Variants in ZNF600 observed in about 807,000 individuals in gnomAD.
ZNF600 encodes the protein zinc finger protein KR-ZNF1.
ZNF600 carries 4 observed loss-of-function variants against 7.3 expected under a neutral mutation model. The observed-to-expected ratio is 0.55, with a 90% CI of 0.27 to 1.25. The LOEUF (loss-of-function observed/expected upper bound fraction) is 1.25, where lower values mean the gene tolerates loss of function less well. Ranked by LOEUF, ZNF600 falls within the 50% of genes most tolerant of loss-of-function variation. The probability of loss-of-function intolerance (pLI) is 0.12; values close to 1 mark genes in which losing one functional copy is unlikely to be tolerated. For missense variants in ZNF600, 911 were observed against 922.1 expected, an observed-to-expected ratio of 0.99 and a Z score of 0.16; for synonymous variants, 290 against 308.9, an observed-to-expected ratio of 0.94 and a Z score of 0.64.
At chr19:52,803,843 C>T in the ZNF600 span, among the ~76,000 whole-genome samples, 1 of 151,996 alleles carries the variant, frequency 6.6e-6, no homozygotes. Context: ...CCTGTAATCC[C>T]AGGTACTTGG....
At chr19:52,786,485 A>G (rs1040836050) in intron 1 of ZNF600, 110 bp downstream of exon 1, 2 of 152,506 alleles carry the variant, frequency 1.3e-5, no homozygotes, top group African/African-American at 4.8e-5. Flanking sequence ...TTTGAGCAGG[A>G]AAAATACGCG....
intron 1 of ZNF600, 136 bp from the exon 4 acceptor site, chr19:52,779,043 G>A (rs1407445099): frequency 1.3e-6 from 1 of 751,638 alleles, no homozygotes; most frequent in Non-Finnish European, 2.0e-6. Context: ...ATCATGCAGA[G>A]ATAAGAAAGT....
At chr19:52,779,147 C>G (rs1033373126) in intron 1 of ZNF600, among the ~76,000 whole-genome samples, 2 of 152,198 alleles carry the variant, frequency 1.3e-5, no homozygotes, top group African/African-American at 4.8e-5. Flanking sequence ...CAGTGGGGAG[C>G]TGGGCTGGAC....
chr19:52,767,592 C>A (rs1304267885), exon 4 of ZNF600: 1 of 1,613,912 alleles, frequency 6.2e-7, no homozygotes, highest in Admixed American at 1.7e-5. Flanking sequence ...TGCTTCATGG[C>A]CATTTCTTTC....
the ZNF600 span, among the ~76,000 whole-genome samples, chr19:52,809,547 C>T: frequency 3.3e-5 from 5 of 152,276 alleles, no homozygotes; most frequent in African/African-American, 1.2e-4. Flanking sequence ...GTGGCTCACG[C>T]CTGTAATCCC....
At chr19:52,794,853 T>A in the ZNF600 span, among the ~76,000 whole-genome samples, 1 of 151,986 alleles carries the variant, frequency 6.6e-6, no homozygotes, top group Admixed American at 6.6e-5. Context: ...CACTCTTGTC[T>A]CAAAAAAGGA....
chr19:52,816,604 C>T, the ZNF600 span, among the ~76,000 whole-genome samples: 1 of 144,588 alleles, frequency 6.9e-6, no homozygotes, highest in African/African-American at 2.7e-5. Context: ...GCAGAGCTTG[C>T]AGTGAGCCAA....
chr19:52,773,900 T>C (rs1018500672), intron 3 of ZNF600, among the ~76,000 whole-genome samples: 2 of 151,192 alleles, frequency 1.3e-5, no homozygotes, highest in African/African-American at 4.9e-5. Flanking sequence ...ATAACTTTAA[T>C]AGAAATGTGG....
intron 3 of ZNF600, among the ~76,000 whole-genome samples, chr19:52,772,249 G>A (rs181646372): frequency 1.1e-3 from 168 of 152,110 alleles, no homozygotes; most frequent in Admixed American, 4.9e-3. Context: ...TGGAGGTTGC[G>A]GTGAGCTGAG....
At chr19:52,789,997 C>T (rs1232349576), upstream of ZNF600, among the ~76,000 whole-genome samples, 1 of 151,974 alleles carries the variant, frequency 6.6e-6, no homozygotes, top group African/African-American at 2.4e-5. Context: ...AGTGGGGGAG[C>T]TTTTTGAGCC....
At chr19:52,811,887 T>G in the ZNF600 span, among the ~76,000 whole-genome samples, 2 of 101,472 alleles carry the variant, frequency 2.0e-5, no homozygotes, top group South Asian at 7.6e-4. Flanking sequence ...GGGAGGGAGG[T>G]GGGGGGGACA....
the ZNF600 span, chr19:52,800,479 G>A: frequency 1.2e-5 from 20 of 1,612,714 alleles, no homozygotes; most frequent in Admixed American, 8.4e-5. Flanking sequence ...CTATGATGGC[G>A]TGCAAGAGTT....
At chr19:52,814,683 A>G in the ZNF600 span, among the ~76,000 whole-genome samples, 14,679 of 145,794 alleles carry the variant, frequency 0.1, 2,937 homozygotes, top group African/African-American at 0.27. Context: ...TTAGGAAATG[A>G]AAACCATCCT....
chr19:52,808,983 TAC>T, the ZNF600 span, among the ~76,000 whole-genome samples: 3 of 152,212 alleles, frequency 2.0e-5, no homozygotes, highest in Non-Finnish European at 2.9e-5. Flanking sequence ...TCAAAATATA[TAC>T]AGATGTGTGT....
At chr19:52,807,985 A>C in the ZNF600 span, 1 of 1,612,634 alleles carries the variant, frequency 6.2e-7, no homozygotes, top group Non-Finnish European at 8.5e-7. Flanking sequence ...ACAAGGGCAC[A>C]TCCCCAGGAG....
intron 1 of ZNF600, among the ~76,000 whole-genome samples, chr19:52,782,223 C>CA (rs1322042810): frequency 6.6e-6 from 1 of 151,750 alleles, no homozygotes; most frequent in African/African-American, 2.4e-5. Context: ...AAGAGTGTCT[C>CA]AAAAAAATAA....
the ZNF600 span, chr19:52,800,675 T>C: frequency 3.1e-6 from 5 of 1,613,564 alleles, no homozygotes; most frequent in Non-Finnish European, 4.2e-6. Context: ...GACTGAAAAC[T>C]TTTTCACATT....
chr19:52,815,230 T>C, the ZNF600 span, among the ~76,000 whole-genome samples: 463 of 144,932 alleles, frequency 3.2e-3, 40 homozygotes, highest in Admixed American at 4.3e-3. Flanking sequence ...AAAATAACTA[T>C]TGGGCCCGGG....
the ZNF600 span, among the ~76,000 whole-genome samples, chr19:52,811,733 C>T: frequency 5.3e-5 from 8 of 149,616 alleles, no homozygotes; most frequent in Admixed American, 1.3e-4. Context: ...CGTCTCCGCC[C>T]GGCAGCCGCC....
Sources: allele counts gnomAD v4.1 joint callset (sites outside exome capture counted in the v4.1 genomes callset), GRCh38; gene constraint gnomAD v4.1.1; transcripts MANE v1.5; gene names NCBI Gene and HGNC (gene_info 2026-07-23, HGNC 2026-07-21).